Variants in PRSS16 observed in about 807,000 individuals in gnomAD.
The protein encoded by PRSS16 is thymus-specific serine protease.
A neutral mutation model predicts 61.7 loss-of-function variants in PRSS16; 43 were observed. The observed-to-expected ratio is 0.70, with a 90% CI of 0.55 to 0.90. The LOEUF is 0.90. Ranked by LOEUF, PRSS16 falls within the 40% of genes least tolerant of loss-of-function variation. The pLI is 0.00. For missense variants in PRSS16, 591 were observed against 659.1 expected (o/e 0.90, Z 1.13); for synonymous variants, 273 against 285.2 (o/e 0.96, Z 0.43).
In PRSS16 at chr6:27,251,878, G is replaced by C; in HGVS notation, c.846G>C (p.Ala282=). ...CCCTGGGCCGCGCTGAAAACCAGGC[G>C]GAGCTGTTGGGGGCGCTGCAGGCAC... is the stretch of plus-strand genomic sequence containing the variant. The part of the protein sequence containing the change: ...CGPLGRAENQ[A]ELLGALQALV... Residue 282 remains alanine, a synonymous_variant, in exon 8 of 12, where the codon GCG becomes GCC. Transcript: ENST00000230582. The surrounding 1 kb of genome is among the most constrained non-coding windows in gnomAD (Gnocchi z 5.6). The C allele has an allele frequency of 1.2e-6, 2 of 1,613,398 alleles. No homozygotes were observed. Among genetic ancestry groups the C allele is most frequent in the Non-Finnish European group, 1.7e-6 (2 of 1,179,808 alleles).
In PRSS16 at chr6:27,252,148, C is replaced by T; in HGVS notation, c.1008+108C>T. The T allele has an allele frequency of 7.6e-7, 1 of 1,308,270 alleles. No individual in the cohort carries two copies. The highest frequency in any genetic ancestry group is 1.0e-6 in the Non-Finnish European group (1 of 990,902). 81.0% of individuals were successfully genotyped at this position (1,308,270 alleles called of 1,614,324 possible). On this transcript the variant is annotated intron_variant, in intron 8 of 11. Coordinates refer to ENST00000230582, the MANE Select transcript of PRSS16 (RefSeq NM_005865.4). This position sits in a 1 kb window ranked among gnomAD's most constrained non-coding sequence, Gnocchi z 4.2. Reference sequence around the variant, plus strand: ...AGAACCTTCTCTGAAACTTCGTTTTCTCATCTGTAAAATGGGGATAACACT... The same window carrying T: ...AGAACCTTCTCTGAAACTTCGTTTTTTCATCTGTAAAATGGGGATAACACT...
Position 27,249,137 on chromosome 6 carries a change from G to T in PRSS16, c.375G>T (p.Leu125=). 2 of 1,602,644 alleles carry T rather than the reference G, an allele frequency of 1.2e-6. No individual in the cohort carries two copies. Among genetic ancestry groups the T allele is most frequent in the South Asian group, 2.2e-5 (2 of 90,824 alleles). Residue 125 remains leucine, a synonymous_variant, in exon 4 of 12, where the codon CTG becomes CTT. Coordinates refer to ENST00000230582, the MANE Select transcript of PRSS16 (RefSeq NM_005865.4). Reference sequence around the variant, plus strand: ...CCTTGGCCCCAGCCTGGGGCGCCCTGGTGATAAGCCTGGAACACAGATTTT... The same window carrying T: ...CCTTGGCCCCAGCCTGGGGCGCCCTTGTGATAAGCCTGGAACACAGATTTT... ...PAALAPAWGA[L]VISLEHRFYG... is the part of the protein sequence containing the mutation.
Position 27,251,604 on chromosome 6 carries a change from G to GGCGGGGGCCTGGGC in PRSS16, c.718-145_718-132dup. On this transcript the variant is annotated intron_variant, in intron 7 of 11. Coordinates refer to ENST00000230582, the MANE Select transcript of PRSS16 (RefSeq NM_005865.4). This position sits in a 1 kb window ranked among gnomAD's most constrained non-coding sequence, Gnocchi z 5.6. ...AGGGGATTGGGGGCGGGGGCCTGGG[G>GGCGGGGGCCTGGGC]GCGGGGGCCTGGGCCAAGAGCTAGG... 1 of 1,046,796 alleles carries GGCGGGGGCCTGGGC rather than the reference G, an allele frequency of 9.6e-7. No individual in the cohort carries two copies. The highest frequency in any genetic ancestry group is 1.3e-6 in the Non-Finnish European group (1 of 757,442). 64.8% of individuals were successfully genotyped at this position (1,046,796 alleles called of 1,614,324 possible). A position where few individuals can be genotyped will look rare whatever the true frequency, so the allele number is the denominator to read the frequency against.
chr6:27,248,102 C>T (rs1294543014), intron 2 of PRSS16, 54 bp downstream of exon 2: 2 of 1,559,266 alleles, frequency 1.3e-6, no homozygotes, highest in Admixed American at 1.9e-5. Context: ...CCTCAGTCTC[C>T]CTCATCTCTT....
At position 27,251,986 on chromosome 6, in the gene PRSS16, CG is replaced by C; in HGVS notation, c.959del (p.Gly320AlafsTer28). 1 of 1,586,756 alleles carries C rather than the reference CG, an allele frequency of 6.3e-7. No individual in the cohort carries two copies. The highest frequency in any genetic ancestry group is 1.3e-5 in the African/African-American group (1 of 74,472). On this transcript the variant is annotated frameshift_variant, in exon 8 of 12. Coordinates refer to ENST00000230582, the MANE Select transcript of PRSS16 (RefSeq NM_005865.4). LOFTEE classifies it high-confidence loss of function. This position sits in a 1 kb window ranked among gnomAD's most constrained non-coding sequence, Gnocchi z 5.6. ...RQLCGLLLGG[G>X]GNRSHSTPYC... ...AGCTCTGCGGACTTCTCCTCGGGGG[CG>C]GGGGCAACCGCAGCCACTCCACGCC...
rs561047440 is a variant in PRSS16, at chr6:27,249,608, C to A, written c.467+379C>A. Among the ~76,000 whole-genome samples, 4 of 152,352 alleles carry A rather than the reference C, an allele frequency of 2.6e-5. No homozygotes were observed. The East Asian group carries it at 7.7e-4, about 29-fold the overall frequency. Reference sequence around the variant, plus strand: ...AATTCTGTTAGAGCATAAACCAGGACATGATCCTCCCTGGCTTAAGTCCCT... The same window carrying A: ...AATTCTGTTAGAGCATAAACCAGGAAATGATCCTCCCTGGCTTAAGTCCCT... On this transcript the variant is annotated intron_variant, in intron 4 of 11. Transcript: ENST00000230582.
At position 27,252,218 on chromosome 6, in the gene PRSS16, C is replaced by T. The variant is rs1339918933; in HGVS notation, c.1008+178C>T. 3 of 754,556 alleles carry T rather than the reference C, an allele frequency of 4.0e-6. No individual in the cohort carries two copies. Among genetic ancestry groups the T allele is most frequent in the Non-Finnish European group, 6.0e-6 (3 of 497,368 alleles). The allele number at this position is 754,556 out of a possible 1,614,324, so 46.7% of individuals were successfully genotyped here. A position where few individuals can be genotyped will look rare whatever the true frequency, so the allele number is the denominator to read the frequency against. On this transcript the variant is annotated intron_variant, in intron 8 of 11. Transcript: ENST00000230582. The surrounding 1 kb of genome is among the most constrained non-coding windows in gnomAD (Gnocchi z 4.2). Reference sequence around the variant, plus strand: ...ATGAAATGAGGCGGGTCATGTAGAGCAATCAGCTGGGAGCCTGGCACACAG... The same window carrying T: ...ATGAAATGAGGCGGGTCATGTAGAGTAATCAGCTGGGAGCCTGGCACACAG...
rs376340080 is a variant in PRSS16, at chr6:27,251,938, G to C, written c.906G>C (p.Thr302=). 10 of 1,611,706 alleles carry C rather than the reference G, an allele frequency of 6.2e-6. No individual in the cohort carries two copies. The African/African-American group carries it at 8.0e-5, about 13-fold the overall frequency. Residue 302 remains threonine (T), a synonymous_variant, in exon 8 of 12, where the codon ACG becomes ACC. Transcript: ENST00000230582. This position sits in a 1 kb window ranked among gnomAD's most constrained non-coding sequence, Gnocchi z 5.6. The stretch of plus-strand genomic sequence containing the variant: ...GTGTAGTGCAGTATGATGGGCAGAC[G>C]GGAGCGCCGCTAAGCGTGCGACAGC... ...VGGVVQYDGQ[T]GAPLSVRQLC... is the part of the protein sequence containing the mutation.
At chr6:27,248,284 C>T (rs1040573178) in intron 2 of PRSS16, among the ~76,000 whole-genome samples, 1 of 151,912 alleles carries the variant, frequency 6.6e-6, no homozygotes, top group African/African-American at 2.4e-5. Flanking sequence ...TTGCCCTTCA[C>T]CATTTCTTTC....
chr6:27,251,261 G>A lies in PRSS16; in HGVS notation c.714G>A (p.Leu238=), dbSNP rs1759885323. The change falls in exon 7 of 12, where the codon CTG becomes CTA. Residue 238 remains leucine (L), a synonymous_variant. Transcript: ENST00000230582. This position sits in a 1 kb window ranked among gnomAD's most constrained non-coding sequence, Gnocchi z 5.6. The part of the protein sequence containing the change: ...SLMSTAIGGS[L]ECRAAVSVAF... ...TGAGCACCGCGATCGGCGGGTCCCTGGAGGTAGGAGGTGGGGCCTAGTCCG... is the reference window on the plus strand; with the variant it reads ...TGAGCACCGCGATCGGCGGGTCCCTAGAGGTAGGAGGTGGGGCCTAGTCCG... 3.1e-6 allele frequency: 5 copies of A among 1,604,458 alleles called. No individual in the cohort carries two copies. In the Admixed American group the frequency reaches 5.0e-5, roughly 16 times the overall value.
Position 27,251,199 on chromosome 6 carries a change from T to C in PRSS16, c.670-18T>C, listed in dbSNP as rs376454527. ...CCCTTGACACTTCCGGATACCTTCC[T>C]CTGCGGTCCGCCCACAGGTGGTATC... is the stretch of plus-strand genomic sequence containing the variant. On this transcript the variant is annotated intron_variant, in intron 6 of 11. Transcript: ENST00000230582. The surrounding 1 kb of genome is among the most constrained non-coding windows in gnomAD (Gnocchi z 5.6). 1 of 1,613,476 alleles carries C rather than the reference T, an allele frequency of 6.2e-7. No individual in the cohort carries two copies. The highest frequency in any genetic ancestry group is 1.1e-5 in the South Asian group (1 of 91,052).
Position 27,251,717 on chromosome 6 carries a change from G to GT in PRSS16, c.718-32dup. On this transcript the variant is annotated intron_variant, in intron 7 of 11. Coordinates refer to ENST00000230582, the MANE Select transcript of PRSS16 (RefSeq NM_005865.4). The surrounding 1 kb of genome is among the most constrained non-coding windows in gnomAD (Gnocchi z 5.6). ...TAGGGAAAGCCGAGGCCCAGCCTAA[G>GT]TCTTGGCGGACATCGCCTCTTGCTT... The GT allele has an allele frequency of 6.3e-7, 1 of 1,575,042 alleles. No homozygotes were observed. Among genetic ancestry groups the GT allele is most frequent in the East Asian group, 2.2e-5 (1 of 44,584 alleles).
Position 27,248,842 on chromosome 6 carries a change from C to A in PRSS16, c.238-5C>A. 1 of 1,589,502 alleles carries A rather than the reference C, an allele frequency of 6.3e-7. No homozygotes were observed. Among genetic ancestry groups the A allele is most frequent in the Non-Finnish European group, 8.6e-7 (1 of 1,164,738 alleles). ...CCATTTCTTCTTCCCCATCCCACCT[C>A]TCAGCGTTACTGGGTGAATGACCAA... On this transcript the variant is annotated splice_polypyrimidine_tract_variant and splice_region_variant and intron_variant, in intron 2 of 11. Coordinates refer to ENST00000230582, the MANE Select transcript of PRSS16 (RefSeq NM_005865.4).
Position 27,255,445 on chromosome 6 carries a change from G to C in PRSS16, c.*130G>C. The C allele has an allele frequency of 1.1e-6, 1 of 911,724 alleles. No individual in the cohort carries two copies. The highest frequency in any genetic ancestry group is 1.7e-5 in the African/African-American group (1 of 59,794). The allele number at this position is 911,724 out of a possible 1,614,324, so 56.5% of individuals were successfully genotyped here. On this transcript the variant is annotated 3_prime_UTR_variant, in exon 12 of 12. Transcript: ENST00000230582. This position sits in a 1 kb window ranked among gnomAD's most constrained non-coding sequence, Gnocchi z 4.4. Reference sequence around the variant, plus strand: ...TTGGAATTCAGCACCTGTTCCGCACGTAATTGGCATGTGTCTGCAAACATC... The same window carrying C: ...TTGGAATTCAGCACCTGTTCCGCACCTAATTGGCATGTGTCTGCAAACATC...
chr6:27,251,714 T>G lies in PRSS16; in HGVS notation c.718-36T>G. Reference sequence around the variant, plus strand: ...GGGTAGGGAAAGCCGAGGCCCAGCCTAAGTCTTGGCGGACATCGCCTCTTG... The same window carrying G: ...GGGTAGGGAAAGCCGAGGCCCAGCCGAAGTCTTGGCGGACATCGCCTCTTG... On this transcript the variant is annotated intron_variant, in intron 7 of 11. Transcript: ENST00000230582. The surrounding 1 kb of genome is among the most constrained non-coding windows in gnomAD (Gnocchi z 5.6). 6.4e-7 allele frequency: 1 copy of G among 1,568,578 alleles called. No individual in the cohort carries two copies. Among genetic ancestry groups the G allele is most frequent in the Non-Finnish European group, 8.6e-7 (1 of 1,168,032 alleles).
chr6:27,251,631 C>T lies in PRSS16; in HGVS notation c.718-119C>T. The T allele has an allele frequency of 8.3e-7, 1 of 1,203,840 alleles. No homozygotes were observed. The highest frequency in any genetic ancestry group is 1.1e-6 in the Non-Finnish European group (1 of 890,808). The allele number at this position is 1,203,840 out of a possible 1,614,324, so 74.6% of individuals were successfully genotyped here. A position where few individuals can be genotyped will look rare whatever the true frequency, so the allele number is the denominator to read the frequency against. On this transcript the variant is annotated intron_variant, in intron 7 of 11. Coordinates refer to ENST00000230582, the MANE Select transcript of PRSS16 (RefSeq NM_005865.4). The surrounding 1 kb of genome is among the most constrained non-coding windows in gnomAD (Gnocchi z 5.6). Reference sequence around the variant, plus strand: ...CGGGGGCCTGGGCCAAGAGCTAGGTCTGCACCCTCTGAGTCCCGCTAGGGG... The same window carrying T: ...CGGGGGCCTGGGCCAAGAGCTAGGTTTGCACCCTCTGAGTCCCGCTAGGGG...
In PRSS16 at chr6:27,255,232, C is replaced by G; in HGVS notation, c.1477-15C>G. ...GCTGAAATCTGACTTTCAAATTCTT[C>G]CCACCTCCCCACAGAACATCTTCCA... On this transcript the variant is annotated splice_polypyrimidine_tract_variant and intron_variant, in intron 11 of 11. Coordinates refer to ENST00000230582, the MANE Select transcript of PRSS16 (RefSeq NM_005865.4). The surrounding 1 kb of genome is among the most constrained non-coding windows in gnomAD (Gnocchi z 4.4). 6.2e-7 allele frequency: 1 copy of G among 1,614,040 alleles called. No homozygotes were observed. Among genetic ancestry groups the G allele is most frequent in the Non-Finnish European group, 8.5e-7 (1 of 1,179,934 alleles).
chr6:27,250,342 T>C (rs1282152175), intron 4 of PRSS16, among the ~76,000 whole-genome samples: 1 of 152,222 alleles, frequency 6.6e-6, no homozygotes, highest in East Asian at 1.9e-4. Context: ...CTTCTCCTCT[T>C]AGTAGCCCTC....
In PRSS16 at chr6:27,251,150, G is replaced by A. The variant is rs1343218751; in HGVS notation, c.669+31G>A. 1.9e-6 allele frequency: 3 copies of A among 1,614,040 alleles called. No homozygotes were observed. The highest frequency in any genetic ancestry group is 1.7e-6 in the Non-Finnish European group (2 of 1,180,016). On this transcript the variant is annotated intron_variant, in intron 6 of 11. Transcript: ENST00000230582. The surrounding 1 kb of genome is among the most constrained non-coding windows in gnomAD (Gnocchi z 5.6). Reference sequence around the variant, plus strand: ...GATGGCGGGCAGCAGGTGCGGGACGGGGAGGGGTCCCAGCGGGCGGAGTCC... The same window carrying A: ...GATGGCGGGCAGCAGGTGCGGGACGAGGAGGGGTCCCAGCGGGCGGAGTCC...
Sources: allele counts gnomAD v4.1 joint callset (sites outside exome capture counted in the v4.1 genomes callset), GRCh38; gene constraint gnomAD v4.1.1; non-coding constraint Gnocchi (gnomAD v3.1); transcripts MANE v1.5; gene names NCBI Gene and HGNC (gene_info 2026-07-23, HGNC 2026-07-21).